XRN1: variants seen among roughly 807,000 people sequenced by gnomAD.
XRN1 encodes strand-exchange protein 1 homolog.
A neutral mutation model predicts 222.3 loss-of-function variants in XRN1; 67 were observed. The ratio of observed to expected loss-of-function variants is 0.30; its 90% CI spans 0.25 to 0.37. XRN1 has a LOEUF of 0.37. Among genes scored for constraint, XRN1 ranks in the 10% least tolerant of loss-of-function variants. The pLI is 1.00. For missense variants in XRN1, 1,707 were observed against 2,000.2 expected, an observed-to-expected ratio of 0.85 and a Z score of 2.80; for synonymous variants, 643 against 652.4, an observed-to-expected ratio of 0.99 and a Z score of 0.22.
rs550595737 is a variant in XRN1 at position 142,344,142 on chromosome 3, A to G, written c.3877+3092T>C. Among the ~76,000 whole-genome samples the G allele has an allele frequency of 1.4e-4, 21 of 152,312 alleles. No homozygotes were observed. The East Asian group carries it at 4.0e-3, about 29-fold the overall frequency. ...GGGGATGGTTAGCAGGTACAAAAAA[A>G]TAGATGAATTAGACCTAGTATTTGC... On this transcript the variant is annotated intron_variant, in intron 33 of 40. Coordinates refer to ENST00000392981, the MANE Select transcript of XRN1 (RefSeq NM_001282857.2).
rs2068773051 is a variant in XRN1 at position 142,416,015 on chromosome 3, G to T, written c.1436+1125C>A. ...GATAATTGCTTGAACCCGGGAAGGG[G>T]AGGTTGCAGCAGTGAGCCAAGACTG... On this transcript the variant is annotated intron_variant, in intron 13 of 40. Transcript: ENST00000392981. Among the ~76,000 whole-genome samples, 3 of 152,002 alleles carry T rather than the reference G, an allele frequency of 2.0e-5. No homozygotes were observed. The South Asian group carries it at 6.2e-4, about 32-fold the overall frequency.
At chr3:142,432,329 G>T (rs1009479528) in intron 2 of XRN1, among the ~76,000 whole-genome samples, 2 of 148,148 alleles carry the variant, frequency 1.3e-5, no homozygotes, top group African/African-American at 5.0e-5. Context: ...CTGAGGCACC[G>T]ATAATCACTT....
chr3:142,395,701 C>T (rs984378760), intron 20 of XRN1, among the ~76,000 whole-genome samples: 2 of 152,202 alleles, frequency 1.3e-5, no homozygotes, highest in African/African-American at 4.8e-5. Flanking sequence ...TCAAAATATA[C>T]GGTGTGGTTT....
At chr3:142,342,215 T>A (rs531416225) in intron 33 of XRN1, among the ~76,000 whole-genome samples, 1 of 152,202 alleles carries the variant, frequency 6.6e-6, no homozygotes, top group East Asian at 1.9e-4. Context: ...TAGCTACAGA[T>A]AAAACTAATT....
At chr3:142,333,145 A>G in intron 34 of XRN1, 56 bp from the exon 35 acceptor site, 1 of 1,548,648 alleles carries the variant, frequency 6.5e-7, no homozygotes, top group Non-Finnish European at 8.7e-7. Context: ...AGAACACACA[A>G]AAAGCTGAGT....
At chr3:142,345,181 C>T (rs1288229141) in intron 33 of XRN1, among the ~76,000 whole-genome samples, 2 of 152,168 alleles carry the variant, frequency 1.3e-5, no homozygotes, top group East Asian at 1.9e-4. Context: ...AGCAATCCTC[C>T]TGCCTCAGAC....
In XRN1 at chr3:142,383,353, G is replaced by A. The variant is rs765119537; in HGVS notation, c.2563C>T (p.Leu855=). The A allele has an allele frequency of 1.9e-6, 3 of 1,613,922 alleles. No individual in the cohort carries two copies. The highest frequency in any genetic ancestry group is 1.1e-5 in the South Asian group (1 of 91,064). ...NIKTLDDLFP[L]RSMVFMLGTP... is the part of the protein sequence containing the mutation. ...CCCAGCATAAAGACCATACTTCTCA[G>A]AGGAAACAAATCATCCAATGTTTTG... Residue 855 remains leucine (L), a synonymous_variant, in exon 22 of 41, where the codon CTG becomes TTG. Coordinates refer to ENST00000392981, the MANE Select transcript of XRN1 (RefSeq NM_001282857.2).
chr3:142,393,246 T>C (rs1408079321), intron 20 of XRN1, among the ~76,000 whole-genome samples: 2 of 149,276 alleles, frequency 1.3e-5, no homozygotes, highest in Non-Finnish European at 3.0e-5. Flanking sequence ...GATGAGTAGG[T>C]TGCAAAAATT....
chr3:142,442,728 T>A (rs2070281788), intron 1 of XRN1, among the ~76,000 whole-genome samples: 1 of 152,082 alleles, frequency 6.6e-6, no homozygotes, highest in African/African-American at 2.4e-5. Context: ...AATCCCTGTA[T>A]CTTTTTATTT....
chr3:142,316,025 T>G (rs1348962704), intron 39 of XRN1, among the ~76,000 whole-genome samples: 1 of 152,184 alleles, frequency 6.6e-6, no homozygotes, highest in Non-Finnish European at 1.5e-5. Flanking sequence ...GTACTCCCAA[T>G]GTAAGTACAT....
intron 23 of XRN1, among the ~76,000 whole-genome samples, chr3:142,378,277 G>C (rs968510748): frequency 2.0e-5 from 3 of 152,174 alleles, no homozygotes; most frequent in African/African-American, 7.2e-5. Context: ...ATATTCTTGA[G>C]GGTTGAGACT....
chr3:142,402,680 G>A (rs2068187801), intron 18 of XRN1, among the ~76,000 whole-genome samples: 3 of 152,128 alleles, frequency 2.0e-5, no homozygotes, highest in Non-Finnish European at 4.4e-5. Context: ...AGAAAGGCTG[G>A]CAAGGCAGTT....
intron 23 of XRN1, among the ~76,000 whole-genome samples, chr3:142,377,287 A>G (rs1362426577): frequency 2.0e-5 from 3 of 152,104 alleles, no homozygotes; most frequent in Non-Finnish European, 4.4e-5. Context: ...CATGAATCCA[A>G]TACTAACTAG....
intron 1 of XRN1, among the ~76,000 whole-genome samples, chr3:142,441,058 C>T (rs186844987): frequency 1.6e-3 from 237 of 152,252 alleles, no homozygotes; most frequent in African/African-American, 4.9e-3. Context: ...TAAATTTCCT[C>T]GCCACCTGTG....
rs150427816 is a variant in XRN1 at position 142,322,370 on chromosome 3, C to T, written c.4405-3467G>A. On this transcript the variant is annotated intron_variant, in intron 37 of 40. Coordinates refer to ENST00000392981, the MANE Select transcript of XRN1 (RefSeq NM_001282857.2). ...CTGAGAATATAGGTGGGTACTACCA[C>T]GCTTAGCTGTTTTTAAAGTTTTTTT... Among the ~76,000 whole-genome samples the T allele has an allele frequency of 1.9e-3, 295 of 152,228 alleles. 2 individuals are homozygous for T. Among genetic ancestry groups the T allele is most frequent in the Non-Finnish European group, 2.8e-3 (192 of 68,008 alleles).
intron 37 of XRN1, among the ~76,000 whole-genome samples, chr3:142,321,373 G>A (rs1467496227): frequency 2.6e-5 from 4 of 152,014 alleles, no homozygotes; most frequent in South Asian, 2.1e-4. Context: ...CGCCTGCCTC[G>A]GCCTCTGAAA....
At chr3:142,331,079 A>G (rs2065681861) in intron 36 of XRN1, among the ~76,000 whole-genome samples, 1 of 152,134 alleles carries the variant, frequency 6.6e-6, no homozygotes, top group South Asian at 2.1e-4. Flanking sequence ...TGGCCTCCCA[A>G]AGTGCTGGCA....
chr3:142,367,515 G>A (rs1316781982), intron 27 of XRN1, among the ~76,000 whole-genome samples: 2 of 151,934 alleles, frequency 1.3e-5, no homozygotes, highest in African/African-American at 2.4e-5. Context: ...GCAGAGTTTG[G>A]AAACCATGTT....
intron 10 of XRN1, among the ~76,000 whole-genome samples, chr3:142,419,562 G>A (rs1229838419): frequency 6.6e-6 from 1 of 152,070 alleles, no homozygotes; most frequent in African/African-American, 2.4e-5. Flanking sequence ...GTAATCCCAG[G>A]ACTTAAGGGA....
Sources: allele counts gnomAD v4.1 joint callset (sites outside exome capture counted in the v4.1 genomes callset), GRCh38; gene constraint gnomAD v4.1.1; transcripts MANE v1.5; gene names NCBI Gene and HGNC (gene_info 2026-07-23, HGNC 2026-07-21).